Variants in BDP1 observed in about 807,000 individuals in gnomAD.
The protein encoded by BDP1 is BDP1 general transcription factor IIIB subunit, also known as transcription factor TFIIIB component B'' homolog.
BDP1 carries 169 observed loss-of-function variants against 266.6 expected under a neutral mutation model. That is an observed-to-expected ratio of 0.63 (90% CI 0.56 to 0.72). The LOEUF (loss-of-function observed/expected upper bound fraction) is 0.72. Among genes scored for constraint, BDP1 ranks in the 30% least tolerant of loss-of-function variants. The pLI is 0.00. For synonymous variants in BDP1, 1,090 were observed against 1,022.4 expected (o/e 1.07, Z -1.26); for missense variants, 3,015 against 3,053.8 (o/e 0.99, Z 0.30).
At chr5:71,467,150 G>A (rs1253408502) in intron 5 of BDP1, among the ~76,000 whole-genome samples, 2 of 152,192 alleles carry the variant, frequency 1.3e-5, no homozygotes, top group African/African-American at 4.8e-5. Context: ...TTGAAAATGA[G>A]TTGACATTTC....
chr5:71,551,929 G>A (rs1256588360), intron 34 of BDP1, among the ~76,000 whole-genome samples: 3 of 149,812 alleles, frequency 2.0e-5, no homozygotes, highest in Non-Finnish European at 3.0e-5. Flanking sequence ...CCTCCCGGAC[G>A]GGGCGGCTGG....
Position 71,495,361 on chromosome 5 carries a change from G to A in BDP1, c.1752G>A (p.Glu584=). The A allele has an allele frequency of 6.3e-7, 1 of 1,597,342 alleles. No individual in the cohort carries two copies. The highest frequency in any genetic ancestry group is 1.1e-5 in the South Asian group (1 of 87,560). The change falls in exon 12 of 39, where the codon GAG becomes GAA. Residue 584 remains glutamate (E), a synonymous_variant. Coordinates refer to ENST00000358731, the MANE Select transcript of BDP1 (RefSeq NM_018429.3). Reference sequence around the variant, plus strand: ...CATTGTGTGAGGTGAATAATGCTGAGGGTAGTTGTATAGAAGAAAGAAATG... The same window carrying A: ...CATTGTGTGAGGTGAATAATGCTGAAGGTAGTTGTATAGAAGAAAGAAATG... ...IRALCEVNNA[E]GSCIEERNVD...
intron 25 of BDP1, among the ~76,000 whole-genome samples, chr5:71,530,858 G>A (rs149114): frequency 0.33 from 50,795 of 152,062 alleles, 10,673 homozygotes; most frequent in Non-Finnish European, 0.45. Context: ...TGGGCAGATC[G>A]CTTGAGTGCA....
In BDP1 at chr5:71,509,992, G is replaced by A. The variant is rs1764808438; in HGVS notation, c.2900G>A (p.Arg967Lys). The change falls in exon 17 of 39, where the codon AGG becomes AAG. Residue 967 changes from arginine to lysine, a missense_variant. Physicochemically the swap from Arg to Lys is conservative, Grantham distance 26. Around this residue, in one of 3 missense-constraint regions of BDP1, gnomAD observed 2,383 missense variants for 2,404.9 expected, o/e 0.99. Coordinates refer to ENST00000358731, the MANE Select transcript of BDP1 (RefSeq NM_018429.3). The stretch of plus-strand genomic sequence containing the variant: ...GCAACTGGAAATGAGAGTTCCCCAA[G>A]GGAGAAGACACCAGAGGTGACTGAT... ...LKATGNESSPREKTPEVTDAT... is the reference protein window; with the variant it reads ...LKATGNESSPKEKTPEVTDAT... 1 of 1,613,666 alleles carries A rather than the reference G, an allele frequency of 6.2e-7. No individual in the cohort carries two copies. Among genetic ancestry groups the A allele is most frequent in the African/African-American group, 1.3e-5 (1 of 74,828 alleles).
intron 32 of BDP1, 78 bp downstream of exon 32, chr5:71,545,297 C>A: frequency 2.4e-6 from 3 of 1,226,594 alleles, no homozygotes; most frequent in Non-Finnish European, 3.5e-6. Context: ...AATTTACATA[C>A]AATAAACTTC....
downstream of BDP1, among the ~76,000 whole-genome samples, chr5:71,572,371 G>A (rs1227195748): frequency 6.6e-6 from 1 of 152,204 alleles, no homozygotes; most frequent in Non-Finnish European, 1.5e-5. Flanking sequence ...AGAATCTGGT[G>A]CTTTACAAGT....
At chr5:71,554,083 A>T (rs1743052374) in intron 35 of BDP1, among the ~76,000 whole-genome samples, 1 of 152,218 alleles carries the variant, frequency 6.6e-6, no homozygotes, top group Admixed American at 6.5e-5. Flanking sequence ...GTCCTTTTAA[A>T]ACCCGTGTTC....
chr5:71,461,959 T>A, intron 3 of BDP1, 33 bp downstream of exon 3: 6 of 202,492 alleles, frequency 3.0e-5, no homozygotes, highest in Non-Finnish European at 3.2e-5. Context: ...TTACTATCTC[T>A]TTTTTTTTTT....
At chr5:71,562,018 G>A (rs1743691469) in intron 37 of BDP1, among the ~76,000 whole-genome samples, 1 of 151,862 alleles carries the variant, frequency 6.6e-6, no homozygotes, top group Non-Finnish European at 1.5e-5. Context: ...GCTGAGGCAG[G>A]CAGATGACGA....
chr5:71,520,886 T>G (rs939375464), intron 22 of BDP1, among the ~76,000 whole-genome samples: 47 of 152,016 alleles, frequency 3.1e-4, no homozygotes, highest in African/African-American at 1.1e-3. Flanking sequence ...AGAGAAAGCT[T>G]CATTGAAAGG....
At chr5:71,465,653 C>T (rs1035139895) in intron 4 of BDP1, among the ~76,000 whole-genome samples, 2 of 152,066 alleles carry the variant, frequency 1.3e-5, no homozygotes, top group African/African-American at 4.8e-5. Context: ...GAGGCTGAGG[C>T]GGGTGGATCA....
rs746484087 is a variant in BDP1, at chr5:71,502,751, A to T, written c.2201A>T (p.Asn734Ile). ...ATATCACAGGAAGAAATTGGGGCCA[A>T]TGTAGAGAAGAATGAAAATGAATCC... ...ILISQEEIGA[N>I]VEKNENESCA... Residue 734 changes from asparagine to isoleucine, a missense_variant, in exon 15 of 39, where the codon AAT (asparagine) becomes ATT (isoleucine). Around this residue, in one of 3 missense-constraint regions of BDP1, gnomAD observed 2,383 missense variants for 2,404.9 expected, o/e 0.99. Coordinates refer to ENST00000358731, the MANE Select transcript of BDP1 (RefSeq NM_018429.3). The T allele has an allele frequency of 6.2e-7, 1 of 1,613,878 alleles. No homozygotes were observed. Among genetic ancestry groups the T allele is most frequent in the South Asian group, 1.1e-5 (1 of 91,074 alleles).
At chr5:71,555,614 A>G (rs1046809344) in intron 35 of BDP1, among the ~76,000 whole-genome samples, 2 of 151,666 alleles carry the variant, frequency 1.3e-5, no homozygotes, top group Admixed American at 6.6e-5. Context: ...TAATTTTGTA[A>G]TTTTAGTAGA....
chr5:71,497,715 A>T (rs1034039326), intron 13 of BDP1, among the ~76,000 whole-genome samples: 1 of 152,134 alleles, frequency 6.6e-6, no homozygotes, highest in African/African-American at 2.4e-5. Context: ...CTATATATTA[A>T]ATTCTGCCCA....
At chr5:71,573,089 C>T in the BDP1 span, among the ~76,000 whole-genome samples, 14 of 152,010 alleles carry the variant, frequency 9.2e-5, no homozygotes, top group African/African-American at 2.7e-4. Context: ...ATTAGCCGGG[C>T]GTGGTGGCAT....
Position 71,549,491 on chromosome 5 carries a change from C to T in BDP1, c.6880C>T (p.Pro2294Ser), listed in dbSNP as rs774761593. ...CTTTATTTTAACTCTGGTGGAAATC[C>T]CAGCCAATGCAGTAGAAGAATTTAC... ...QAFILTLVEIPANAVEEFTDA... is the reference protein window; with the variant it reads ...QAFILTLVEISANAVEEFTDA... Residue 2294 changes from proline to serine, a missense_variant, in exon 34 of 39, where the codon CCA (proline) becomes TCA (serine). Around this residue, in one of 3 missense-constraint regions of BDP1, gnomAD observed 629 missense variants for 632.5 expected, o/e 0.99. Coordinates refer to ENST00000358731, the MANE Select transcript of BDP1 (RefSeq NM_018429.3). The T allele has an allele frequency of 1.3e-5, 21 of 1,613,866 alleles. No homozygotes were observed. The African/African-American group carries it at 2.8e-4, about 22-fold the overall frequency.
At chr5:71,501,537 A>G (rs1248335302) in intron 13 of BDP1, 25 bp from the exon 14 acceptor site, 1 of 1,324,118 alleles carries the variant, frequency 7.6e-7, no homozygotes, top group Admixed American at 1.8e-5. Context: ...GTAAGTAGAT[A>G]AATTGTAGCA....
At chr5:71,470,559 G>T in intron 7 of BDP1, 70 bp downstream of exon 7, 4 of 998,718 alleles carry the variant, frequency 4.0e-6, no homozygotes, top group East Asian at 2.5e-5. Context: ...AGTATTATTC[G>T]CTTACCTTTG....
the BDP1 span, among the ~76,000 whole-genome samples, chr5:71,575,813 G>A: frequency 6.6e-6 from 1 of 152,194 alleles, no homozygotes; most frequent in African/African-American, 2.4e-5. Flanking sequence ...CATTAAAGGA[G>A]CCTCGGAATA....
Sources: gnomAD v4.1 joint callset for allele counts (sites outside exome capture counted in the v4.1 genomes callset) on GRCh38, gnomAD v4.1.1 for gene constraint, gnomAD v4.1.1 regional missense constraint, MANE v1.5 for transcripts, NCBI Gene and HGNC (gene_info 2026-07-23, HGNC 2026-07-21) for gene names.